The following IL20RA variants were observed in gnomAD, a reference collection of about 807,000 sequenced individuals.
IL20RA encodes interleukin-20 receptor subunit alpha.
Under a neutral mutation model 36.5 loss-of-function variants are expected in IL20RA, and 29 were observed. That is an observed-to-expected ratio of 0.79 (90% CI 0.59 to 1.08). IL20RA has a LOEUF of 1.08. Among genes scored for constraint, IL20RA ranks in the 50% least tolerant of loss-of-function variants. IL20RA has a pLI of 0.00. For synonymous variants in IL20RA, 279 were observed against 267.1 expected, an observed-to-expected ratio of 1.04 and a Z score of -0.43; for missense variants, 652 against 668.4, an observed-to-expected ratio of 0.98 and a Z score of 0.27.
chr6:137,040,686 C>A (rs1056590037), intron 1 of IL20RA, among the ~76,000 whole-genome samples: 1 of 152,150 alleles, frequency 6.6e-6, no homozygotes, highest in Non-Finnish European at 1.5e-5. Context: ...TCCATGAGTC[C>A]ATACTGATAT....
intron 1 of IL20RA, among the ~76,000 whole-genome samples, chr6:137,042,540 G>T (rs571803336): frequency 1.6e-4 from 24 of 152,202 alleles, no homozygotes; most frequent in Non-Finnish European, 3.5e-4. Context: ...TTCTGTCCCT[G>T]GAGGGGTCCA....
chr6:137,004,174 T>TTTTTTTG (rs1775190338), intron 6 of IL20RA, among the ~76,000 whole-genome samples: 2 of 124,450 alleles, frequency 1.6e-5, no homozygotes, highest in Non-Finnish European at 3.4e-5. Context: ...TTTTTTTTTT[T>TTTTTTTG]TTTTTTTTTT....
chr6:137,029,322 A>G (rs1345891251), intron 1 of IL20RA, among the ~76,000 whole-genome samples: 1 of 152,172 alleles, frequency 6.6e-6, no homozygotes, highest in Non-Finnish European at 1.5e-5. Flanking sequence ...AGCCTGACCA[A>G]TATGGTGAAA....
At chr6:137,013,321 G>A (rs1379656762) in intron 2 of IL20RA, among the ~76,000 whole-genome samples, 1 of 152,296 alleles carries the variant, frequency 6.6e-6, no homozygotes, top group East Asian at 1.9e-4. Context: ...TGATGCAGGA[G>A]AAAAGGCTCT....
rs188274860 is a variant in IL20RA at position 137,001,325 on chromosome 6, A to G, written c.*233T>C. On this transcript the variant is annotated 3_prime_UTR_variant, in exon 7 of 7. Coordinates refer to ENST00000316649, the MANE Select transcript of IL20RA (RefSeq NM_014432.4). ...AACATTTATTGACTGCTTTCTCTGCATAGAACAACCGGCCAGCCCCTGGAC... is the reference window on the plus strand; with the variant it reads ...AACATTTATTGACTGCTTTCTCTGCGTAGAACAACCGGCCAGCCCCTGGAC... 1.5e-5 allele frequency: 6 copies of G among 403,496 alleles called. No individual in the cohort carries two copies. The East Asian group carries it at 2.3e-4, about 16-fold the overall frequency. 25.0% of individuals were successfully genotyped at this position (403,496 alleles called of 1,614,324 possible).
Position 137,004,159 on chromosome 6 carries a change from C to CGTTTTTTT in IL20RA, c.864+461_864+462insAAAAAAAC, listed in dbSNP as rs531501235. On this transcript the variant is annotated intron_variant, in intron 6 of 6. Transcript: ENST00000316649. ...TCTGTTAGTCAGCTAATCCAGAAAGCTTTTTTTTTTTTTTTTTTTTTTTTT... is the reference window on the plus strand; with the variant it reads ...TCTGTTAGTCAGCTAATCCAGAAAGCGTTTTTTTTTTTTTTTTTTTTTTTTTTTTTTTT... Among the ~76,000 whole-genome samples the CGTTTTTTT allele has an allele frequency of 2.8e-4, 25 of 88,016 alleles. 12 individuals are homozygous for CGTTTTTTT. Among genetic ancestry groups the CGTTTTTTT allele is most frequent in the Admixed American group, 1.3e-4 (1 of 7,676 alleles). 57.7% of individuals were successfully genotyped at this position (88,016 alleles called of 152,430 possible). A position where few individuals can be genotyped will look rare whatever the true frequency, so the allele number is the denominator to read the frequency against.
rs747454638 is a variant in IL20RA, at chr6:137,001,657, G to C, written c.1563C>G (p.Leu521=). The part of the protein sequence containing the change: ...GLGEEGLLSR[L]YEEPAPDRPP... ...GCCTGTCTGGAGCCGGCTCCTCATA[G>C]AGTCTAGATAGAAGACCCTCCTCTC... The change falls in exon 7 of 7, where the codon CTC becomes CTG. Residue 521 remains leucine (L), a synonymous_variant. Coordinates refer to ENST00000316649, the MANE Select transcript of IL20RA (RefSeq NM_014432.4). The C allele has an allele frequency of 1.2e-6, 2 of 1,614,028 alleles. No individual in the cohort carries two copies. The highest frequency in any genetic ancestry group is 1.7e-6 in the Non-Finnish European group (2 of 1,179,952).
rs1462472431 is a variant in IL20RA at position 137,044,846 on chromosome 6, C to T, written c.-118G>A. 1.0e-6 allele frequency: 1 copy of T among 986,834 alleles called. No individual in the cohort carries two copies. The highest frequency in any genetic ancestry group is 1.7e-5 in the African/African-American group (1 of 58,886). The allele number at this position is 986,834 out of a possible 1,614,324, so 61.1% of individuals were successfully genotyped here. Reference sequence around the variant, plus strand: ...CGCCTGGGGCTCTGCGTGCCACGCTCCAGGCGACCTGAGTCCCAGGGCGCC... The same window carrying T: ...CGCCTGGGGCTCTGCGTGCCACGCTTCAGGCGACCTGAGTCCCAGGGCGCC... On this transcript the variant is annotated 5_prime_UTR_variant, in exon 1 of 7. Transcript: ENST00000316649.
At chr6:137,010,895 G>T (rs1337680425) in intron 3 of IL20RA, among the ~76,000 whole-genome samples, 1 of 151,976 alleles carries the variant, frequency 6.6e-6, no homozygotes, top group Non-Finnish European at 1.5e-5. Context: ...ATCAATTTTG[G>T]ATCTGGGAGA....
intron 2 of IL20RA, among the ~76,000 whole-genome samples, chr6:137,013,602 A>G (rs915862339): frequency 1.1e-4 from 16 of 151,914 alleles, no homozygotes; most frequent in Admixed American, 3.3e-4. Flanking sequence ...GATTTGAACC[A>G]CTCTTCCCTG....
chr6:137,014,043 A>G (rs991894175), intron 2 of IL20RA, among the ~76,000 whole-genome samples: 6 of 152,198 alleles, frequency 3.9e-5, no homozygotes, highest in African/African-American at 1.4e-4. Context: ...TGCTCCACCT[A>G]ATGGATAAGG....
In IL20RA at chr6:137,044,717, G is replaced by T; in HGVS notation, c.12C>A (p.Pro4=). 8.2e-7 allele frequency: 1 copy of T among 1,219,522 alleles called. No individual in the cohort carries two copies. Among genetic ancestry groups the T allele is most frequent in the Non-Finnish European group, 1.0e-6 (1 of 980,476 alleles). 75.5% of individuals were successfully genotyped at this position (1,219,522 alleles called of 1,614,324 possible). A position where few individuals can be genotyped will look rare whatever the true frequency, so the allele number is the denominator to read the frequency against. ...GCAGCGGCCGCAGGGCCGGGCGGCC[G>T]GGAGCCCGCATGGGCGGCGGGGCTG... MRA[P]GRPALRPLPL... The change falls in exon 1 of 7, where the codon CCC becomes CCA. Residue 4 remains proline, a synonymous_variant. Transcript: ENST00000316649.
Position 137,002,038 on chromosome 6 carries a change from C to T in IL20RA, c.1182G>A (p.Pro394=), listed in dbSNP as rs758987830. Residue 394 remains proline, a synonymous_variant, in exon 7 of 7, where the codon CCG becomes CCA. Transcript: ENST00000316649. ...ATTCATATTCAATGACTGTTTTATC[C>T]GGGGGTATTGTTCTGCTGAGGGACT... The part of the protein sequence containing the change: ...QQESLSRTIP[P]DKTVIEYEYD... 7 of 1,614,082 alleles carry T rather than the reference C, an allele frequency of 4.3e-6. No individual in the cohort carries two copies. In the South Asian group the frequency reaches 6.6e-5, roughly 15 times the overall value.
intron 1 of IL20RA, among the ~76,000 whole-genome samples, chr6:137,022,321 T>C (rs1200181593): frequency 6.6e-6 from 1 of 152,176 alleles, no homozygotes; most frequent in Admixed American, 6.5e-5. Context: ...CCAGATGATA[T>C]GGTGACCACG....
intron 1 of IL20RA, among the ~76,000 whole-genome samples, chr6:137,017,436 T>C (rs777215486): frequency 6.4e-4 from 97 of 152,338 alleles, no homozygotes; most frequent in Non-Finnish European, 1.1e-3. Context: ...ATGAAGTTAC[T>C]GTGGCCATTC....
At chr6:137,021,896 C>T (rs1161620361) in intron 1 of IL20RA, among the ~76,000 whole-genome samples, 1 of 152,144 alleles carries the variant, frequency 6.6e-6, no homozygotes, top group Admixed American at 6.5e-5. Flanking sequence ...GTTTCCATAA[C>T]AGCCCTATGG....
chr6:137,026,983 G>A (rs1776110162), intron 1 of IL20RA, among the ~76,000 whole-genome samples: 1 of 152,060 alleles, frequency 6.6e-6, no homozygotes, highest in Non-Finnish European at 1.5e-5. Flanking sequence ...CCAGGCTGAA[G>A]CCATTCTCCT....
chr6:137,031,487 C>G (rs1776281036), intron 1 of IL20RA, among the ~76,000 whole-genome samples: 1 of 152,206 alleles, frequency 6.6e-6, no homozygotes, highest in African/African-American at 2.4e-5. Context: ...TATTGTGTTA[C>G]AAATGCCTAC....
chr6:137,030,295 A>G (rs1158625871), intron 1 of IL20RA, among the ~76,000 whole-genome samples: 1 of 151,924 alleles, frequency 6.6e-6, no homozygotes, highest in Admixed American at 6.6e-5. Flanking sequence ...AATGTTGCCC[A>G]AGCTGGTCTC....
Sources: allele counts gnomAD v4.1 joint callset (sites outside exome capture counted in the v4.1 genomes callset), GRCh38; gene constraint gnomAD v4.1.1; transcripts MANE v1.5; gene names NCBI Gene and HGNC (gene_info 2026-07-23, HGNC 2026-07-21).